Variants in STAP2 observed in about 807,000 individuals in gnomAD.
STAP2 encodes the protein signal-transducing adaptor protein 2.
STAP2 carries 58 observed loss-of-function variants against 52.7 expected under a neutral mutation model. That is an observed-to-expected ratio of 1.10 (90% CI 0.89 to 1.37). The LOEUF (loss-of-function observed/expected upper bound fraction) is 1.37, where lower values mean the gene tolerates loss of function less well. Among genes scored for constraint, STAP2 ranks in the 40% most tolerant of loss-of-function variants. The pLI is 0.00. For synonymous variants in STAP2, 231 were observed against 210.5 expected (o/e 1.10, Z -0.84); for missense variants, 522 against 519.4 (o/e 1.00, Z -0.05).
chr19:4,332,196 CTTTTTTTTTTTTT>C (rs58828365), intron 3 of STAP2, 118 bp from the exon 4 acceptor site: 541 of 240,134 alleles, frequency 2.3e-3, no homozygotes, highest in African/African-American at 5.1e-3. Flanking sequence ...TCTTTTTCTT[CTTTTTTTTTTTTT>C]TTTTTTTTTT....
chr19:4,334,852 CTCATCTATCAA>C (rs1288925066), intron 1 of STAP2, among the ~76,000 whole-genome samples: 15 of 133,228 alleles, frequency 1.1e-4, no homozygotes, highest in Non-Finnish European at 1.8e-4. Context: ...CATCCATCCA[CTCATCTATCAA>C]TGCATCCCTC....
intron 1 of STAP2, among the ~76,000 whole-genome samples, chr19:4,337,860 TAAATA>T (rs770259723): frequency 1.3e-5 from 2 of 150,672 alleles, no homozygotes; most frequent in African/African-American, 2.4e-5. Context: ...CAAAAATAAA[TAAATA>T]AAATAAAAGC....
At position 4,325,225 on chromosome 19, in the gene STAP2, G is replaced by A; in HGVS notation, c.1063C>T (p.Pro355Ser). Reference sequence around the variant, plus strand: ...TGGGGGGGACCCCAACCTGGCTTGGGTCCAACGGGTGGCTTTGGAAGCTTG... The same window carrying A: ...TGGGGGGGACCCCAACCTGGCTTGGATCCAACGGGTGGCTTTGGAAGCTTG... The part of the protein sequence containing the change: ...PAKLPKPPVG[P>S]KPEPKVFNGG... The change falls in exon 11 of 13, where the codon CCC (proline) becomes TCC (serine). Residue 355 changes from proline to serine, a missense_variant. Transcript: ENST00000594605. 6.3e-7 allele frequency: 1 copy of A among 1,589,132 alleles called. No homozygotes were observed. Among genetic ancestry groups the A allele is most frequent in the Non-Finnish European group, 8.6e-7 (1 of 1,167,588 alleles).
intron 10 of STAP2, 42 bp from the exon 11 acceptor site, chr19:4,325,350 C>A: frequency 6.2e-7 from 1 of 1,614,184 alleles, no homozygotes; most frequent in South Asian, 1.1e-5. Context: ...AGCTGTTAAC[C>A]TGTTTCCCCA....
Position 4,324,534 on chromosome 19 carries a change from A to C in STAP2, c.1073-5T>G. ...CACCATTAAAGACTTTGGGCTCTGG[A>C]AGAGAAGACAGATGAGGCCAGGTGT... On this transcript the variant is annotated splice_region_variant and splice_polypyrimidine_tract_variant and intron_variant, in intron 11 of 12. Coordinates refer to ENST00000594605, the MANE Select transcript of STAP2 (RefSeq NM_001013841.2). 6.4e-7 allele frequency: 1 copy of C among 1,563,578 alleles called. No individual in the cohort carries two copies. Among genetic ancestry groups the C allele is most frequent in the East Asian group, 2.3e-5 (1 of 42,714 alleles).
At chr19:4,331,939 G>A in intron 4 of STAP2, 83 bp downstream of exon 4, 1 of 1,435,260 alleles carries the variant, frequency 7.0e-7, no homozygotes, top group South Asian at 1.2e-5. Flanking sequence ...CTCAAAAAAA[G>A]AAAAAAAGAA....
intron 4 of STAP2, among the ~76,000 whole-genome samples, chr19:4,331,757 C>T (rs940187915): frequency 2.6e-5 from 4 of 151,778 alleles, no homozygotes; most frequent in African/African-American, 7.3e-5. Context: ...ACAGTGAAAC[C>T]CCGTCTCTAC....
At chr19:4,327,950 C>T (rs1049533687) in intron 6 of STAP2, among the ~76,000 whole-genome samples, 4 of 152,076 alleles carry the variant, frequency 2.6e-5, no homozygotes, top group Admixed American at 2.6e-4. Context: ...CCATGACTCC[C>T]CCCCGTAGAT....
At chr19:4,331,911 G>T in intron 4 of STAP2, 111 bp downstream of exon 4, 3 of 1,148,600 alleles carry the variant, frequency 2.6e-6, no homozygotes, top group African/African-American at 1.6e-5. Flanking sequence ...CAGCCTGGGC[G>T]ACAGAGCGAG....
At chr19:4,335,907 G>A (rs1018414306) in intron 1 of STAP2, among the ~76,000 whole-genome samples, 22 of 152,270 alleles carry the variant, frequency 1.4e-4, no homozygotes, top group Admixed American at 1.4e-3. Flanking sequence ...AGAAAACTAA[G>A]GCTCAAAGAT....
At chr19:4,331,620 ACT>A (rs1216378569) in intron 4 of STAP2, among the ~76,000 whole-genome samples, 1 of 149,492 alleles carries the variant, frequency 6.7e-6, no homozygotes, top group Non-Finnish European at 1.5e-5. Context: ...ACAGAGTGAG[ACT>A]CTGTCTCAAA....
At chr19:4,333,649 T>C (rs1455958206) in intron 3 of STAP2, 45 bp downstream of exon 3, 1 of 1,573,896 alleles carries the variant, frequency 6.4e-7, no homozygotes, top group Non-Finnish European at 8.6e-7. Context: ...TTTGAGCATC[T>C]TCTGCAAGCA....
intron 3 of STAP2, among the ~76,000 whole-genome samples, chr19:4,332,369 A>G (rs909245811): frequency 6.7e-6 from 1 of 149,140 alleles, no homozygotes; most frequent in Non-Finnish European, 1.5e-5. Context: ...CACCTCGCCC[A>G]GCTTTTTTTT....
rs762931137 is a variant in STAP2, at chr19:4,330,002, G to T, written c.414C>A (p.Val138=). 3.1e-6 allele frequency: 5 copies of T among 1,613,608 alleles called. No homozygotes were observed. The Admixed American group carries it at 8.3e-5, about 27-fold the overall frequency. ...LPGHLYMMSE[V]LAKEEARRAL... ...CACGGCGCGCCTCCTCTTTGGCCAAGACTTCAGACATCATGTATAGGTGCC... is the reference window on the plus strand; with the variant it reads ...CACGGCGCGCCTCCTCTTTGGCCAATACTTCAGACATCATGTATAGGTGCC... The change falls in exon 5 of 13, where the codon GTC becomes GTA. Residue 138 remains valine, a synonymous_variant. Coordinates refer to ENST00000594605, the MANE Select transcript of STAP2 (RefSeq NM_001013841.2).
chr19:4,327,592 C>T lies in STAP2; in HGVS notation c.591-207G>A, dbSNP rs528857075. Among the ~76,000 whole-genome samples the T allele has an allele frequency of 1.1e-4, 16 of 152,214 alleles. No individual in the cohort carries two copies. In the South Asian group the frequency reaches 1.2e-3, roughly 12 times the overall value. ...TCCCGGAGCACTGACTGCCCGATCC[C>T]AGCACTGCTCCCAGCGGGGACCAGG... is the stretch of plus-strand genomic sequence containing the variant. On this transcript the variant is annotated intron_variant, in intron 6 of 12. Transcript: ENST00000594605.
At position 4,338,773 on chromosome 19, in the gene STAP2, G is replaced by C. The variant is rs1469221706; in HGVS notation, c.-20C>G. 1 of 1,602,514 alleles carries C rather than the reference G, an allele frequency of 6.2e-7. No homozygotes were observed. Among genetic ancestry groups the C allele is most frequent in the Non-Finnish European group, 8.5e-7 (1 of 1,173,374 alleles). On this transcript the variant is annotated 5_prime_UTR_variant, in exon 1 of 13. Coordinates refer to ENST00000594605, the MANE Select transcript of STAP2 (RefSeq NM_001013841.2). Reference sequence around the variant, plus strand: ...GGCCATGACGGAGCCAGGGTCTTCCGCCTGGCCTCTCCTTCCAGTGGGTGC... The same window carrying C: ...GGCCATGACGGAGCCAGGGTCTTCCCCCTGGCCTCTCCTTCCAGTGGGTGC...
chr19:4,325,799 C>T (rs533806805), intron 9 of STAP2, among the ~76,000 whole-genome samples: 7 of 152,228 alleles, frequency 4.6e-5, no homozygotes, highest in African/African-American at 1.4e-4. Context: ...GGTGAAACCC[C>T]GTCTCTACTA....
chr19:4,335,317 A>C (rs1971964672), intron 1 of STAP2, among the ~76,000 whole-genome samples: 2 of 149,234 alleles, frequency 1.3e-5, no homozygotes, highest in South Asian at 2.1e-4. Context: ...ATCCATCCAT[A>C]CATCCCTCCA....
Position 4,324,457 on chromosome 19 carries a change from G to T in STAP2, c.1145C>A (p.Ala382Asp). The T allele has an allele frequency of 6.4e-7, 1 of 1,566,732 alleles. No homozygotes were observed. Among genetic ancestry groups the T allele is most frequent in the Non-Finnish European group, 8.7e-7 (1 of 1,153,112 alleles). Reference protein sequence around the residue: ...VSSAQPLFPTAGLADMTAELQ... With the variant: ...VSSAQPLFPTDGLADMTAELQ... ...CACTGACCCCGCAGACCCCTTACCG[G>T]CTGTGGGGAAGAGAGGCTGGGCTGA... Residue 382 changes from alanine to aspartate, a missense_variant and splice_region_variant, in exon 12 of 13, where the codon GCC becomes GAC. Physicochemically the swap from Ala to Asp is moderately radical, Grantham distance 126. Coordinates refer to ENST00000594605, the MANE Select transcript of STAP2 (RefSeq NM_001013841.2).
Sources: allele counts gnomAD v4.1 joint callset (sites outside exome capture counted in the v4.1 genomes callset), GRCh38; gene constraint gnomAD v4.1.1; transcripts MANE v1.5; gene names NCBI Gene and HGNC (gene_info 2026-07-23, HGNC 2026-07-21).